The following CLSTN2 variants were observed in gnomAD, a reference collection of about 807,000 sequenced individuals.
The protein encoded by CLSTN2 is calsyntenin 2.
Under a neutral mutation model 101.2 loss-of-function variants are expected in CLSTN2, and 48 were observed. That is an observed-to-expected ratio of 0.47 (90% CI 0.38 to 0.60). The LOEUF is 0.60. Ranked by LOEUF, CLSTN2 falls within the 20% of genes least tolerant of loss-of-function variation. The pLI, the probability that CLSTN2 is intolerant of heterozygous loss-of-function variation, is 0.00. For missense variants in CLSTN2, 1,160 were observed against 1,238.2 expected, an observed-to-expected ratio of 0.94 and a Z score of 0.95; for synonymous variants, 481 against 463.6, an observed-to-expected ratio of 1.04 and a Z score of -0.48.
intron 1 of CLSTN2, among the ~76,000 whole-genome samples, chr3:139,987,156 G>C (rs1054721665): frequency 1.3e-5 from 2 of 152,092 alleles, no homozygotes; most frequent in African/African-American, 4.8e-5. Context: ...TGAAAGTATA[G>C]CTGCTTTTTC....
intron 2 of CLSTN2, among the ~76,000 whole-genome samples, chr3:140,233,416 G>T (rs1196241401): frequency 6.6e-6 from 1 of 152,126 alleles, no homozygotes; most frequent in Non-Finnish European, 1.5e-5. Context: ...TCCATTCCAG[G>T]AAGCACTACC....
At chr3:139,988,292 A>G (rs1024065154) in intron 1 of CLSTN2, among the ~76,000 whole-genome samples, 12 of 152,158 alleles carry the variant, frequency 7.9e-5, no homozygotes, top group Non-Finnish European at 1.3e-4. Context: ...AACAAGAAAC[A>G]AGGGGGAAAA....
intron 2 of CLSTN2, among the ~76,000 whole-genome samples, chr3:140,326,465 A>T (rs1457294673): frequency 1.3e-5 from 2 of 152,206 alleles, no homozygotes; most frequent in African/African-American, 2.4e-5. Context: ...TCTTTCATAG[A>T]ACCAAGGGAA....
intron 2 of CLSTN2, among the ~76,000 whole-genome samples, chr3:140,389,996 A>G (rs1450056759): frequency 1.3e-5 from 2 of 152,058 alleles, no homozygotes; most frequent in Non-Finnish European, 2.9e-5. Flanking sequence ...CTAAAAACAA[A>G]TTATGTATGA....
At chr3:140,337,821 A>G (rs925503444) in intron 2 of CLSTN2, among the ~76,000 whole-genome samples, 2 of 152,180 alleles carry the variant, frequency 1.3e-5, no homozygotes, top group Non-Finnish European at 2.9e-5. Context: ...AAGTCTTTGG[A>G]TACTAATTGA....
At chr3:140,277,077 C>T (rs1476113284) in intron 2 of CLSTN2, among the ~76,000 whole-genome samples, 1 of 152,158 alleles carries the variant, frequency 6.6e-6, no homozygotes, top group Non-Finnish European at 1.5e-5. Flanking sequence ...AATTTGTATT[C>T]AAGACTGAGC....
chr3:140,446,793 T>A (rs1454530117), intron 5 of CLSTN2, among the ~76,000 whole-genome samples: 2 of 152,184 alleles, frequency 1.3e-5, no homozygotes, highest in African/African-American at 2.4e-5. Flanking sequence ...AGGCCTCAGC[T>A]CAGAGGTTAA....
At chr3:140,453,783 T>A (rs756885036) in intron 6 of CLSTN2, among the ~76,000 whole-genome samples, 1 of 152,226 alleles carries the variant, frequency 6.6e-6, no homozygotes, top group Non-Finnish European at 1.5e-5. Context: ...AAATTCAATC[T>A]TCTGGAGAAG....
chr3:140,068,431 T>A (rs1317318159), intron 1 of CLSTN2, among the ~76,000 whole-genome samples: 1 of 152,264 alleles, frequency 6.6e-6, no homozygotes, highest in Non-Finnish European at 1.5e-5. Context: ...CTACTCCAGA[T>A]GGACTCAAAC....
chr3:140,315,703 C>T (rs974529413), intron 2 of CLSTN2, among the ~76,000 whole-genome samples: 4 of 152,178 alleles, frequency 2.6e-5, no homozygotes, highest in Admixed American at 6.5e-5. Context: ...GAATGTGGGG[C>T]TCCCTCTAGC....
chr3:140,110,234 G>A (rs879453834), intron 1 of CLSTN2, among the ~76,000 whole-genome samples: 10 of 152,078 alleles, frequency 6.6e-5, no homozygotes, highest in Non-Finnish European at 1.3e-4. Context: ...TTAGGATGAA[G>A]TTCTTGATTC....
chr3:140,411,843 G>T (rs911460804), intron 4 of CLSTN2, among the ~76,000 whole-genome samples: 3 of 152,212 alleles, frequency 2.0e-5, no homozygotes, highest in Non-Finnish European at 4.4e-5. Flanking sequence ...TACAACCATA[G>T]TGTGAAAGTT....
intron 1 of CLSTN2, among the ~76,000 whole-genome samples, chr3:139,940,513 G>A (rs1460993344): frequency 1.4e-5 from 2 of 142,300 alleles, no homozygotes; most frequent in African/African-American, 2.5e-5. Flanking sequence ...TGAACAGTTA[G>A]TTTAGTGTCT....
intron 2 of CLSTN2, among the ~76,000 whole-genome samples, chr3:140,225,263 G>C (rs2086308231): frequency 6.6e-6 from 1 of 152,168 alleles, no homozygotes; most frequent in African/African-American, 2.4e-5. Context: ...TCCAGGTGAT[G>C]GTGAGAGAGA....
intron 2 of CLSTN2, among the ~76,000 whole-genome samples, chr3:140,249,332 C>G (rs2086542415): frequency 6.6e-6 from 1 of 152,190 alleles, no homozygotes; most frequent in Non-Finnish European, 1.5e-5. Context: ...ATCACATCAC[C>G]ATGCCCAGCT....
chr3:139,951,969 C>G (rs1455868630), intron 1 of CLSTN2, among the ~76,000 whole-genome samples: 1 of 152,148 alleles, frequency 6.6e-6, no homozygotes, highest in Non-Finnish European at 1.5e-5. Context: ...CTACATGGCT[C>G]TTTCTTTTTC....
chr3:140,281,288 G>T (rs543803990), intron 2 of CLSTN2, among the ~76,000 whole-genome samples: 11 of 152,282 alleles, frequency 7.2e-5, no homozygotes, highest in Admixed American at 3.3e-4. Flanking sequence ...GATGTGGTAG[G>T]TATGGTGGGA....
chr3:140,013,534 G>T (rs1300088225), intron 1 of CLSTN2, among the ~76,000 whole-genome samples: 1 of 152,156 alleles, frequency 6.6e-6, no homozygotes, highest in East Asian at 1.9e-4. Flanking sequence ...GCCAAATATT[G>T]AAATATCTCT....
chr3:140,336,815 GC>G (rs375708357), intron 2 of CLSTN2, among the ~76,000 whole-genome samples: 1 of 152,204 alleles, frequency 6.6e-6, no homozygotes, highest in African/African-American at 2.4e-5. Context: ...AGAACTGGTT[GC>G]CAAAGGCTTT....
Sources: allele counts gnomAD v4.1 joint callset (sites outside exome capture counted in the v4.1 genomes callset), GRCh38; gene constraint gnomAD v4.1.1; transcripts MANE v1.5; gene names NCBI Gene and HGNC (gene_info 2026-07-23, HGNC 2026-07-21).